SAMMSON: variants seen among roughly 807,000 people sequenced by gnomAD.
The protein encoded by SAMMSON is survival associated mitochondrial melanoma specific oncogenic non-coding RNA.
chr3:70,027,472 G>T (rs931989290), intron 3 of SAMMSON, among the ~76,000 whole-genome samples: 1 of 152,158 alleles, frequency 6.6e-6, no homozygotes, highest in Non-Finnish European at 1.5e-5. Flanking sequence ...CTTGTGCTAG[G>T]TTATCTCTCA....
intron 4 of SAMMSON, among the ~76,000 whole-genome samples, chr3:70,124,882 A>G (rs1474666957): frequency 6.6e-6 from 1 of 151,480 alleles, no homozygotes; most frequent in East Asian, 1.9e-4. Context: ...ATATTTGAGG[A>G]AGGTCATTAA....
At chr3:70,299,438 A>G (rs759075576) in intron 7 of SAMMSON, among the ~76,000 whole-genome samples, 1 of 152,170 alleles carries the variant, frequency 6.6e-6, no homozygotes, top group South Asian at 2.1e-4. Flanking sequence ...TAAAAAATAG[A>G]TAACTTACGT....
At chr3:70,125,130 C>T in intron 4 of SAMMSON, 4 of 1,526,964 alleles carry the variant, frequency 2.6e-6, no homozygotes, top group Non-Finnish European at 3.6e-6. Context: ...AATTGAACCA[C>T]CATGGGTTTT....
intron 4 of SAMMSON, among the ~76,000 whole-genome samples, chr3:70,132,044 G>A (rs1277814988): frequency 6.6e-6 from 1 of 152,106 alleles, no homozygotes; most frequent in African/African-American, 2.4e-5. Context: ...TAAAAACTGA[G>A]TTCTTAGCCA....
chr3:70,228,508 T>A (rs1370027011), intron 4 of SAMMSON, among the ~76,000 whole-genome samples: 5 of 152,068 alleles, frequency 3.3e-5, no homozygotes, highest in African/African-American at 1.2e-4. Context: ...GAAGGACCCC[T>A]GTTATAGTTT....
chr3:70,108,755 T>C (rs2067377457), intron 4 of SAMMSON, among the ~76,000 whole-genome samples: 1 of 151,902 alleles, frequency 6.6e-6, no homozygotes, highest in Admixed American at 6.6e-5. Flanking sequence ...AGTGAGACAA[T>C]GGCTGCCTAC....
chr3:70,054,492 G>A (rs73836030), intron 3 of SAMMSON, among the ~76,000 whole-genome samples: 2,833 of 152,094 alleles, frequency 0.019, 88 homozygotes, highest in African/African-American at 0.063. Flanking sequence ...TCTCTTGTTC[G>A]GTCCTTGGTT....
intron 7 of SAMMSON, among the ~76,000 whole-genome samples, chr3:70,344,483 C>A (rs1424658788): frequency 1.3e-5 from 2 of 152,182 alleles, no homozygotes; most frequent in African/African-American, 4.8e-5. Flanking sequence ...GAAACCCCTG[C>A]ATTCACCATC....
At chr3:70,428,295 A>C (rs553964030) in intron 2 of SAMMSON, among the ~76,000 whole-genome samples, 1 of 152,154 alleles carries the variant, frequency 6.6e-6, no homozygotes, top group African/African-American at 2.4e-5. Context: ...AGCCAAAAAA[A>C]TTTTTTTGAA....
intron 4 of SAMMSON, among the ~76,000 whole-genome samples, chr3:70,104,946 T>C (rs577154831): frequency 2.2e-4 from 33 of 152,266 alleles, no homozygotes; most frequent in African/African-American, 7.0e-4. Context: ...TCAACTATTC[T>C]ATTTAAAGTA....
intron 2 of SAMMSON, among the ~76,000 whole-genome samples, chr3:70,407,262 T>A (rs1701184466): frequency 6.6e-6 from 1 of 152,082 alleles, no homozygotes; most frequent in South Asian, 2.1e-4. Context: ...TCCCTCCAAA[T>A]CTCATGTCCT....
At chr3:70,370,073 C>G (rs1215487076) in intron 9 of SAMMSON, among the ~76,000 whole-genome samples, 7 of 151,854 alleles carry the variant, frequency 4.6e-5, no homozygotes, top group Admixed American at 4.6e-4. Context: ...TCATATCTCT[C>G]TGTGCCTGAC....
chr3:70,247,357 G>T (rs905520575), intron 4 of SAMMSON, among the ~76,000 whole-genome samples: 1 of 151,970 alleles, frequency 6.6e-6, no homozygotes, highest in African/African-American at 2.4e-5. Context: ...AGTTCTGAAT[G>T]GTTAATGCGG....
chr3:70,374,374 C>T (rs990926945), intron 9 of SAMMSON, among the ~76,000 whole-genome samples: 6 of 152,110 alleles, frequency 3.9e-5, no homozygotes, highest in Non-Finnish European at 8.8e-5. Flanking sequence ...ATACTATAAA[C>T]GATGAGTCGT....
intron 2 of SAMMSON, among the ~76,000 whole-genome samples, chr3:70,400,511 C>T (rs369695158): frequency 2.1e-4 from 32 of 152,314 alleles, no homozygotes; most frequent in East Asian, 1.9e-3. Flanking sequence ...TCTCACCAGA[C>T]GCAGCTGCCC....
At chr3:70,120,188 A>G (rs533560391) in intron 4 of SAMMSON, 2 of 152,362 alleles carry the variant, frequency 1.3e-5, no homozygotes, top group South Asian at 2.1e-4. Flanking sequence ...CAAAGAGGTA[A>G]GAGATTCACT....
chr3:70,402,429 T>C (rs1329721965), intron 2 of SAMMSON, among the ~76,000 whole-genome samples: 1 of 152,242 alleles, frequency 6.6e-6, no homozygotes, highest in Non-Finnish European at 1.5e-5. Context: ...CACAACATCT[T>C]AATGTGGATG....
intron 4 of SAMMSON, among the ~76,000 whole-genome samples, chr3:70,181,111 A>C (rs1576145959): frequency 1.3e-5 from 2 of 152,104 alleles, no homozygotes; most frequent in African/African-American, 4.8e-5. Context: ...GGAAGTGATA[A>C]GTTTCAGTTT....
At chr3:70,425,166 T>C (rs528736628) in intron 2 of SAMMSON, 1 of 152,358 alleles carries the variant, frequency 6.6e-6, no homozygotes, top group Non-Finnish European at 1.5e-5. Context: ...GTTTCTCCAA[T>C]AAGCAATGAT....
Sources: gnomAD v4.1 joint callset for allele counts (sites outside exome capture counted in the v4.1 genomes callset) on GRCh38, gnomAD v4.1.1 for gene constraint, MANE v1.5 for transcripts, NCBI Gene and HGNC (gene_info 2026-07-23, HGNC 2026-07-21) for gene names.